Variants in SYN3 observed in about 807,000 individuals in gnomAD.
SYN3 encodes synapsin-3.
A neutral mutation model predicts 65.8 loss-of-function variants in SYN3; 35 were observed. That is an observed-to-expected ratio of 0.53 (90% CI 0.41 to 0.70). The LOEUF is 0.70. Ranked by LOEUF, SYN3 falls within the 30% of genes least tolerant of loss-of-function variation. The pLI, the probability that SYN3 is intolerant of heterozygous loss-of-function variation, is 0.00. For synonymous variants in SYN3, 270 were observed against 292.9 expected (o/e 0.92, Z 0.80); for missense variants, 680 against 749.0 (o/e 0.91, Z 1.08).
chr22:32,611,284 G>GTTTTTTTTTT (rs1201383074), intron 6 of SYN3, among the ~76,000 whole-genome samples: 13 of 94,544 alleles, frequency 1.4e-4, no homozygotes, highest in East Asian at 2.9e-4. Context: ...TTTTTTTTTT[G>GTTTTTTTTTT]TTTTTTTTTT....
chr22:32,885,680 C>T (rs867953002), intron 4 of SYN3, among the ~76,000 whole-genome samples: 1 of 152,130 alleles, frequency 6.6e-6, no homozygotes, highest in Non-Finnish European at 1.5e-5. Context: ...CCTGCCTCAG[C>T]CTCCCGAGTA....
At chr22:32,888,350 G>C (rs1228285551) in intron 4 of SYN3, among the ~76,000 whole-genome samples, 1 of 151,988 alleles carries the variant, frequency 6.6e-6, no homozygotes, top group East Asian at 1.9e-4. Flanking sequence ...GTTCTCTTGG[G>C]GAAAAGTCTA....
intron 13 of SYN3, chr22:32,514,354 G>C (rs2057735867): frequency 6.6e-6 from 1 of 152,532 alleles, no homozygotes; most frequent in South Asian, 2.1e-4. Flanking sequence ...TGCCTCATCT[G>C]TAGAGCGAAG....
At chr22:32,854,791 C>A (rs1601548514) in intron 6 of SYN3, among the ~76,000 whole-genome samples, 1 of 152,132 alleles carries the variant, frequency 6.6e-6, no homozygotes, top group Non-Finnish European at 1.5e-5. Context: ...AGTTGGCAAG[C>A]CTTGGGGGAG....
chr22:32,884,833 C>T (rs773432872), intron 4 of SYN3, among the ~76,000 whole-genome samples: 18 of 152,030 alleles, frequency 1.2e-4, no homozygotes, highest in Non-Finnish European at 2.4e-4. Flanking sequence ...GCCAAGATCA[C>T]GCCACTGCAC....
At chr22:32,518,373 T>C (rs2057816821) in intron 12 of SYN3, 39 bp from the exon 13 acceptor site, 2 of 1,607,652 alleles carry the variant, frequency 1.2e-6, no homozygotes, top group African/African-American at 1.3e-5. Flanking sequence ...TTCAATTTTT[T>C]TTCTTAGGAT....
At chr22:32,562,987 T>C (rs2058609001) in intron 7 of SYN3, among the ~76,000 whole-genome samples, 1 of 152,230 alleles carries the variant, frequency 6.6e-6, no homozygotes. Flanking sequence ...TTTCCCTCTC[T>C]CAACTCTCAG....
chr22:32,542,208 G>A (rs1434880334), intron 7 of SYN3, among the ~76,000 whole-genome samples: 1 of 152,150 alleles, frequency 6.6e-6, no homozygotes, highest in Non-Finnish European at 1.5e-5. Flanking sequence ...GGTGTAGTTT[G>A]CGTTTTAGCA....
chr22:32,596,929 C>T (rs1414925690), intron 6 of SYN3, among the ~76,000 whole-genome samples, 193 bp from the exon 7 acceptor site: 1 of 152,198 alleles, frequency 6.6e-6, no homozygotes, highest in African/African-American at 2.4e-5. Flanking sequence ...CCAAAGGAAG[C>T]TCTGAGCTCT....
At chr22:32,711,370 G>C (rs1429956353) in intron 6 of SYN3, among the ~76,000 whole-genome samples, 2 of 152,204 alleles carry the variant, frequency 1.3e-5, no homozygotes, top group Non-Finnish European at 2.9e-5. Flanking sequence ...TAATTCATCA[G>C]TTAGCAGTGA....
chr22:32,635,775 A>C (rs1412002330), intron 6 of SYN3, among the ~76,000 whole-genome samples: 1 of 152,200 alleles, frequency 6.6e-6, no homozygotes, highest in Non-Finnish European at 1.5e-5. Flanking sequence ...TAGACTCCCA[A>C]ATAAGCCATG....
chr22:32,851,392 A>C (rs1193519911), intron 6 of SYN3, among the ~76,000 whole-genome samples: 1 of 152,066 alleles, frequency 6.6e-6, no homozygotes, highest in Non-Finnish European at 1.5e-5. Flanking sequence ...TGTGGACATA[A>C]TGTCCCATTC....
intron 6 of SYN3, among the ~76,000 whole-genome samples, chr22:32,669,122 T>G (rs2060328308): frequency 6.6e-6 from 1 of 152,240 alleles, no homozygotes; most frequent in African/African-American, 2.4e-5. Context: ...CTAAGTAATT[T>G]CCCTAGGCTT....
intron 6 of SYN3, among the ~76,000 whole-genome samples, chr22:32,854,444 A>C (rs992827182): frequency 1.3e-5 from 2 of 152,204 alleles, no homozygotes; most frequent in African/African-American, 4.8e-5. Context: ...TCAAGGGGAA[A>C]GACTGACGCA....
At chr22:33,026,013 G>A (rs952373279) in intron 1 of SYN3, among the ~76,000 whole-genome samples, 14 of 152,108 alleles carry the variant, frequency 9.2e-5, no homozygotes, top group Non-Finnish European at 1.8e-4. Context: ...GCTGTCCCAC[G>A]AATCCAAGGA....
intron 6 of SYN3, among the ~76,000 whole-genome samples, chr22:32,849,830 G>T (rs922429636): frequency 6.6e-6 from 1 of 152,234 alleles, no homozygotes; most frequent in Admixed American, 6.5e-5. Context: ...GTAACCATGA[G>T]ACCTTGGTCA....
In SYN3 at chr22:32,513,500, C is replaced by G. The variant is rs2057718523; in HGVS notation, c.*192G>C. The G allele has an allele frequency of 5.5e-6, 4 of 727,460 alleles. No individual in the cohort carries two copies. In the South Asian group the frequency reaches 1.0e-4, roughly 19 times the overall value. 45.1% of individuals were successfully genotyped at this position (727,460 alleles called of 1,614,324 possible). On this transcript the variant is annotated 3_prime_UTR_variant, in exon 14 of 14. Coordinates refer to ENST00000358763, the MANE Select transcript of SYN3 (RefSeq NM_003490.4). ...CTCAAAGGCCCACCTCACAGTCAGA[C>G]AATGCTGGAATGTCACGGTGAAGGA...
chr22:32,908,706 T>C (rs2049969805), intron 4 of SYN3, among the ~76,000 whole-genome samples: 2 of 152,170 alleles, frequency 1.3e-5, no homozygotes, highest in South Asian at 4.1e-4. Flanking sequence ...TAGAGTTAAG[T>C]AGCGGTGACA....
chr22:32,517,967 C>T, intron 13 of SYN3, 76 bp downstream of exon 13: 2 of 1,384,494 alleles, frequency 1.4e-6, no homozygotes, highest in Admixed American at 2.7e-5. Context: ...TCTCCAAGTC[C>T]CTAACCCTGA....
Sources: allele counts gnomAD v4.1 joint callset (sites outside exome capture counted in the v4.1 genomes callset), GRCh38; gene constraint gnomAD v4.1.1; transcripts MANE v1.5; gene names NCBI Gene and HGNC (gene_info 2026-07-23, HGNC 2026-07-21).